Variants in SKAP2 observed in about 807,000 individuals in gnomAD.
SKAP2 encodes src kinase-associated phosphoprotein 2.
Under a neutral mutation model 54.9 loss-of-function variants are expected in SKAP2, and 28 were observed. The ratio of observed to expected loss-of-function variants is 0.51; its 90% CI spans 0.38 to 0.70. The LOEUF (loss-of-function observed/expected upper bound fraction) is 0.70, where lower values mean the gene tolerates loss of function less well. SKAP2 is among the 30% of genes least tolerant of loss of function. The pLI is 0.00. For synonymous variants in SKAP2, 137 were observed against 134.3 expected (o/e 1.02, Z -0.14); for missense variants, 356 against 424.1 (o/e 0.84, Z 1.41).
intron 4 of SKAP2, among the ~76,000 whole-genome samples, chr7:26,828,964 G>A (rs1784548696): frequency 6.6e-6 from 1 of 152,000 alleles, no homozygotes; most frequent in African/African-American, 2.4e-5. Context: ...TGGGGGCAGA[G>A]GTTGCGGTGA....
chr7:26,764,789 G>A (rs1373873923), intron 4 of SKAP2, among the ~76,000 whole-genome samples: 4 of 152,032 alleles, frequency 2.6e-5, no homozygotes, highest in African/African-American at 9.7e-5. Context: ...CTGACCTCGT[G>A]ATCCGCCCAC....
chr7:26,826,607 G>C (rs1412402059), intron 4 of SKAP2, among the ~76,000 whole-genome samples: 1 of 152,018 alleles, frequency 6.6e-6, no homozygotes, highest in Non-Finnish European at 1.5e-5. Context: ...TCCTAGACCT[G>C]GTTCAAATGC....
At chr7:26,789,214 A>G (rs140258355) in intron 4 of SKAP2, among the ~76,000 whole-genome samples, 176 of 152,328 alleles carry the variant, frequency 1.2e-3, no homozygotes, top group Admixed American at 3.5e-3. Flanking sequence ...CGTATCTAAA[A>G]ATTTCAAGGT....
At chr7:26,835,936 CA>C (rs1288402121) in intron 4 of SKAP2, among the ~76,000 whole-genome samples, 1 of 152,166 alleles carries the variant, frequency 6.6e-6, no homozygotes, top group Non-Finnish European at 1.5e-5. Flanking sequence ...TATCTGACTT[CA>C]AACTATATTA....
At chr7:26,746,771 ACT>A (rs1782568384) in intron 4 of SKAP2, 1 of 152,080 alleles carries the variant, frequency 6.6e-6, no homozygotes, top group African/African-American at 2.4e-5. Context: ...TTTTTCTTGT[ACT>A]TTCAGTAGCA....
intron 10 of SKAP2, among the ~76,000 whole-genome samples, chr7:26,685,258 A>G (rs1318860863): frequency 6.6e-6 from 1 of 152,168 alleles, no homozygotes; most frequent in African/African-American, 2.4e-5. Flanking sequence ...TGAAATAACC[A>G]TCTCACAGAA....
At chr7:26,775,097 T>C (rs1783275282) in intron 4 of SKAP2, among the ~76,000 whole-genome samples, 1 of 152,180 alleles carries the variant, frequency 6.6e-6, no homozygotes, top group African/African-American at 2.4e-5. Context: ...ACACAAACAC[T>C]ATCAAGAGGC....
At chr7:26,837,917 A>G (rs73069507) in intron 4 of SKAP2, among the ~76,000 whole-genome samples, 32,370 of 152,108 alleles carry the variant, frequency 0.21, 3,529 homozygotes, top group Non-Finnish European at 0.24. Context: ...AGCAGAGCAT[A>G]ATCCTTACAG....
At chr7:26,730,910 C>T (rs973063150) in intron 6 of SKAP2, among the ~76,000 whole-genome samples, 6 of 152,238 alleles carry the variant, frequency 3.9e-5, no homozygotes, top group Admixed American at 1.3e-4. Context: ...TACTGAGCTT[C>T]TACATGTCAA....
At position 26,720,051 on chromosome 7, in the gene SKAP2, AACACACACACACACACAC is replaced by A. The variant is rs57945020; in HGVS notation, c.796+5359_796+5376del. ...TGGCCCTTACCCACCACATATCTGT[AACACACACACACACACAC>A]ACACACACACACACACACACACACA... On this transcript the variant is annotated intron_variant, in intron 9 of 12. Transcript: ENST00000345317. Among the ~76,000 whole-genome samples, 17 of 141,814 alleles carry A rather than the reference AACACACACACACACACAC, an allele frequency of 1.2e-4. No homozygotes were observed. The East Asian group carries it at 2.4e-3, about 20-fold the overall frequency. 93.0% of individuals were successfully genotyped at this position (141,814 alleles called of 152,430 possible).
At chr7:26,825,848 T>A (rs949040245) in intron 4 of SKAP2, among the ~76,000 whole-genome samples, 1 of 152,184 alleles carries the variant, frequency 6.6e-6, no homozygotes, top group Non-Finnish European at 1.5e-5. Flanking sequence ...TGAATGTATA[T>A]CTATAACTAT....
chr7:26,792,275 G>C (rs1783686727), intron 4 of SKAP2, among the ~76,000 whole-genome samples: 1 of 152,196 alleles, frequency 6.6e-6, no homozygotes, highest in African/African-American at 2.4e-5. Flanking sequence ...CTGTGCAAGT[G>C]GTTACCCAGC....
intron 1 of SKAP2, among the ~76,000 whole-genome samples, chr7:26,858,522 T>C (rs1785220435): frequency 6.6e-6 from 1 of 152,162 alleles, no homozygotes; most frequent in Non-Finnish European, 1.5e-5. Context: ...TTGAGCAGTT[T>C]AAGTTAGAAA....
At chr7:26,767,877 C>T (rs912833372) in intron 4 of SKAP2, among the ~76,000 whole-genome samples, 5 of 152,064 alleles carry the variant, frequency 3.3e-5, no homozygotes, top group African/African-American at 1.2e-4. Flanking sequence ...TGTTTTACTT[C>T]CAATTATGTG....
the SKAP2 span, among the ~76,000 whole-genome samples, chr7:26,656,812 A>C: frequency 6.6e-6 from 1 of 152,156 alleles, no homozygotes; most frequent in Non-Finnish European, 1.5e-5. Context: ...TCTATGGTTC[A>C]TCTACCAGGA....
chr7:26,845,485 A>G (rs966589035), intron 3 of SKAP2, among the ~76,000 whole-genome samples: 3 of 152,230 alleles, frequency 2.0e-5, no homozygotes, highest in Non-Finnish European at 2.9e-5. Context: ...ACTACTAGGT[A>G]CAGTAAATAT....
chr7:26,838,086 C>CAAAG lies in SKAP2; in HGVS notation c.307+5940_307+5943dup, dbSNP rs570456140. 5.8e-4 allele frequency among the ~76,000 whole-genome samples: 88 copies of CAAAG among 152,262 alleles called. 2 individuals carry two copies. The highest frequency in any genetic ancestry group is 1.8e-3 in the African/African-American group (73 of 41,550). On this transcript the variant is annotated intron_variant, in intron 4 of 12. Transcript: ENST00000345317. ...TCATGATTAAAAATAAGTAATGTAG[C>CAAAG]AAAGCATTTAGCTTGCTACCTCCAC...
At chr7:26,853,749 C>T (rs919015110) in intron 3 of SKAP2, among the ~76,000 whole-genome samples, 58 of 152,154 alleles carry the variant, frequency 3.8e-4, no homozygotes, top group African/African-American at 1.4e-3. Context: ...CCTTCTCCCA[C>T]CACCACTATA....
chr7:26,815,908 C>A (rs1784256538), intron 4 of SKAP2, among the ~76,000 whole-genome samples: 1 of 152,100 alleles, frequency 6.6e-6, no homozygotes, highest in Non-Finnish European at 1.5e-5. Flanking sequence ...ATAAAATCCA[C>A]ATACAATAAA....
Sources: allele counts gnomAD v4.1 joint callset (sites outside exome capture counted in the v4.1 genomes callset), GRCh38; gene constraint gnomAD v4.1.1; transcripts MANE v1.5; gene names NCBI Gene and HGNC (gene_info 2026-07-23, HGNC 2026-07-21).